The following TCF20 variants were observed in gnomAD, a reference collection of about 807,000 sequenced individuals.
TCF20 encodes the protein SPRE-binding protein.
Under a neutral mutation model 148.6 loss-of-function variants are expected in TCF20, and 3 were observed. The ratio of observed to expected loss-of-function variants is 0.02; its 90% CI spans 0.01 to 0.05. The LOEUF is 0.05. Ranked by LOEUF, TCF20 falls within the 10% of genes least tolerant of loss-of-function variation. The probability of loss-of-function intolerance (pLI) is 1.00; values close to 1 mark genes in which losing one functional copy is unlikely to be tolerated. For synonymous variants in TCF20, 1,049 were observed against 909.5 expected (o/e 1.15, Z -2.76); for missense variants, 2,350 against 2,429.3 (o/e 0.97, Z 0.69).
intron 1 of TCF20, among the ~76,000 whole-genome samples, chr22:42,282,756 G>A (rs558392942): frequency 2.0e-5 from 3 of 152,304 alleles, no homozygotes; most frequent in South Asian, 2.1e-4. Context: ...GGCCTCCTCC[G>A]GGGTGAGCTG....
intron 2 of TCF20, among the ~76,000 whole-genome samples, chr22:42,200,641 C>CAAAAA (rs34605295): frequency 4.1e-5 from 4 of 96,448 alleles, no homozygotes; most frequent in Non-Finnish European, 7.9e-5. Context: ...GACTTCGTCT[C>CAAAAA]AAAAAAAAAA....
chr22:42,296,740 G>T (rs1927244379), intron 1 of TCF20, among the ~76,000 whole-genome samples: 1 of 152,222 alleles, frequency 6.6e-6, no homozygotes, highest in Admixed American at 6.5e-5. Context: ...AGCCACAAGG[G>T]GGCCCTGCTG....
intron 1 of TCF20, among the ~76,000 whole-genome samples, chr22:42,225,389 T>C (rs956094637): frequency 6.8e-6 from 1 of 147,062 alleles, no homozygotes; most frequent in African/African-American, 2.5e-5. Context: ...CCGAGGCGGG[T>C]GGATCATGAG....
At chr22:42,341,906 G>C (rs189259466) in intron 1 of TCF20, among the ~76,000 whole-genome samples, 1 of 152,338 alleles carries the variant, frequency 6.6e-6, no homozygotes, top group Admixed American at 6.5e-5. Flanking sequence ...GGGAGTCTGG[G>C]AGGACCACAG....
intron 1 of TCF20, among the ~76,000 whole-genome samples, chr22:42,337,059 C>G (rs555552827): frequency 1.3e-5 from 2 of 152,334 alleles, no homozygotes; most frequent in Admixed American, 1.3e-4. Flanking sequence ...GCACTCCACA[C>G]ATCTGTTCAC....
rs775132778 is a variant in TCF20 at position 42,214,339 on chromosome 22, G to A, written c.967C>T (p.His323Tyr). 1 of 1,609,660 alleles carries A rather than the reference G, an allele frequency of 6.2e-7. No homozygotes were observed. Among genetic ancestry groups the A allele is most frequent in the Non-Finnish European group, 8.5e-7 (1 of 1,176,042 alleles). The stretch of plus-strand genomic sequence containing the variant: ...TACTGCATCACATGCTGAGAAGGGT[G>A]TTGTTGTTGCTGCGGTTGCTGCTGC... ...QQQQQPQQQQ[H>Y]PSQHVMQYTN... The change falls in exon 2 of 6, where the codon CAC becomes TAC. Residue 323 changes from histidine (H) to tyrosine (Y), a missense_variant. This residue lies in a region of TCF20 where 1,641 missense variants were observed against 1,662.6 expected (regional missense o/e 0.99). Coordinates refer to ENST00000677622, the MANE Select transcript of TCF20 (RefSeq NM_001378418.1).
At chr22:42,276,753 C>A (rs766212501) in intron 1 of TCF20, 2 of 152,120 alleles carry the variant, frequency 1.3e-5, no homozygotes, top group Admixed American at 6.5e-5. Context: ...GCAGCCACGC[C>A]GTGTGAGGTT....
rs139251012 is a variant in TCF20, at chr22:42,210,624, G to A, written c.4682C>T (p.Pro1561Leu). ...KKQQQPPPPP[P>L]QPPQIPEGSA... ...ACCTTCTGGTATCTGTGGGGGCTGA[G>A]GGGGTGGAGGCGGTGGCTGCTGCTG... The change falls in exon 2 of 6, where the codon CCT becomes CTT. Residue 1561 changes from proline (P) to leucine (L), a missense_variant. Physicochemically the swap from Pro to Leu is moderately conservative, Grantham distance 98. Transcript: ENST00000677622. The surrounding 1 kb of genome is among the most constrained non-coding windows in gnomAD (Gnocchi z 4.7). 3 of 1,614,074 alleles carry A rather than the reference G, an allele frequency of 1.9e-6. No individual in the cohort carries two copies. The highest frequency in any genetic ancestry group is 2.5e-6 in the Non-Finnish European group (3 of 1,180,046).
At chr22:42,239,953 CA>C (rs902033445) in intron 1 of TCF20, among the ~76,000 whole-genome samples, 1 of 151,722 alleles carries the variant, frequency 6.6e-6, no homozygotes, top group African/African-American at 2.4e-5. Flanking sequence ...ATTTATAAAA[CA>C]AAAAAATCCC....
At chr22:42,182,471 G>T (rs921071291) in intron 2 of TCF20, among the ~76,000 whole-genome samples, 1 of 152,140 alleles carries the variant, frequency 6.6e-6, no homozygotes, top group Non-Finnish European at 1.5e-5. Context: ...CACCATCCCG[G>T]TTTACAAGAG....
At chr22:42,206,625 C>A (rs1331283189) in intron 2 of TCF20, among the ~76,000 whole-genome samples, 1 of 152,094 alleles carries the variant, frequency 6.6e-6, no homozygotes, top group African/African-American at 2.4e-5. Context: ...GGAAGTGAAT[C>A]TTCTACCTCA....
At chr22:42,296,738 G>C (rs1760690839) in intron 1 of TCF20, among the ~76,000 whole-genome samples, 1 of 152,240 alleles carries the variant, frequency 6.6e-6, no homozygotes, top group African/African-American at 2.4e-5. Flanking sequence ...CGAGCCACAA[G>C]GGGGCCCTGC....
At chr22:42,326,653 C>A (rs936401429) in intron 1 of TCF20, among the ~76,000 whole-genome samples, 3 of 152,208 alleles carry the variant, frequency 2.0e-5, no homozygotes, top group Non-Finnish European at 4.4e-5. Context: ...TTTAGCCAGG[C>A]CACCCAAGGC....
In TCF20 at chr22:42,212,348, C is replaced by T. The variant is rs768266575; in HGVS notation, c.2958G>A (p.Thr986=). 21 of 1,614,094 alleles carry T rather than the reference C, an allele frequency of 1.3e-5. No individual in the cohort carries two copies. The African/African-American group carries it at 1.6e-4, about 12-fold the overall frequency. The change falls in exon 2 of 6, where the codon ACG becomes ACA. Residue 986 remains threonine, a synonymous_variant. Transcript: ENST00000677622. ...CTCTGCCAGGGACCCGCCGCATTGG[C>T]GTGGGTCTGCTGTCTTGCGGGCCAT... The part of the protein sequence containing the change: ...SDYGPQDSRP[T]PMRRVPGRVG...
In TCF20 at chr22:42,209,856, C is replaced by A. The variant is rs201557973; in HGVS notation, c.5450G>T (p.Ser1817Ile). 6.2e-7 allele frequency: 1 copy of A among 1,614,134 alleles called. No individual in the cohort carries two copies. Among genetic ancestry groups the A allele is most frequent in the African/African-American group, 1.3e-5 (1 of 74,940 alleles). ...CTTCGAGTCCAAAACAGTCTTTTCA[C>A]TGCTGCCCTCAGTGGCTGCTTTTTT... ...PCKKAATEGS[S>I]EKTVLDSKPS... Residue 1817 changes from serine (S) to isoleucine (I), a missense_variant, in exon 2 of 6, where the codon AGT becomes ATT. Coordinates refer to ENST00000677622, the MANE Select transcript of TCF20 (RefSeq NM_001378418.1).
chr22:42,301,903 C>A (rs987425691), intron 1 of TCF20, among the ~76,000 whole-genome samples: 1 of 152,238 alleles, frequency 6.6e-6, no homozygotes, highest in Admixed American at 6.5e-5. Context: ...GTGAGCAAGA[C>A]TCAGGGCCGG....
intron 2 of TCF20, among the ~76,000 whole-genome samples, chr22:42,191,783 C>T (rs1003917450): frequency 6.6e-6 from 1 of 152,154 alleles, no homozygotes; most frequent in Non-Finnish European, 1.5e-5. Context: ...GTGCTAGAGT[C>T]CAGGACTAGG....
intron 1 of TCF20, among the ~76,000 whole-genome samples, chr22:42,321,111 A>G (rs909664026): frequency 6.6e-6 from 1 of 152,274 alleles, no homozygotes; most frequent in Non-Finnish European, 1.5e-5. Context: ...CAAGCAATTC[A>G]GGAGCAAGGG....
At chr22:42,266,816 A>G (rs1480845737) in intron 1 of TCF20, among the ~76,000 whole-genome samples, 1 of 152,150 alleles carries the variant, frequency 6.6e-6, no homozygotes, top group African/African-American at 2.4e-5. Flanking sequence ...CTACTAGGTT[A>G]TGGAACCTAA....
Sources: gnomAD v4.1 joint callset for allele counts (sites outside exome capture counted in the v4.1 genomes callset) on GRCh38, gnomAD v4.1.1 for gene constraint, gnomAD v4.1.1 regional missense constraint, Gnocchi (gnomAD v3.1) non-coding constraint, MANE v1.5 for transcripts, NCBI Gene and HGNC (gene_info 2026-07-23, HGNC 2026-07-21) for gene names.